Variants in AGAP1 observed in about 807,000 individuals in gnomAD.
The protein encoded by AGAP1 is arf-GAP with GTPase, ANK repeat and PH domain-containing protein 1.
AGAP1 carries 29 observed loss-of-function variants against 105.3 expected under a neutral mutation model. The observed-to-expected ratio is 0.28, with a 90% CI of 0.21 to 0.38. The LOEUF (loss-of-function observed/expected upper bound fraction) is 0.38. Among genes scored for constraint, AGAP1 ranks in the 10% least tolerant of loss-of-function variants. The probability of loss-of-function intolerance (pLI) is 1.00; values close to 1 mark genes in which losing one functional copy is unlikely to be tolerated. For synonymous variants in AGAP1, 509 were observed against 485.9 expected (o/e 1.05, Z -0.63); for missense variants, 998 against 1,165.1 (o/e 0.86, Z 2.09).
chr2:235,938,893 G>A (rs990414671), intron 12 of AGAP1, among the ~76,000 whole-genome samples: 2 of 152,200 alleles, frequency 1.3e-5, no homozygotes, highest in African/African-American at 2.4e-5. Context: ...TCTTGGGGGC[G>A]ATTTTTAAAA....
At chr2:235,881,927 G>A (rs552879959) in intron 9 of AGAP1, among the ~76,000 whole-genome samples, 1 of 152,268 alleles carries the variant, frequency 6.6e-6, no homozygotes, top group African/African-American at 2.4e-5. Context: ...ACTGAAATTT[G>A]CCAGTGGAAT....
At chr2:235,632,700 C>T (rs528837174) in intron 1 of AGAP1, among the ~76,000 whole-genome samples, 3 of 152,320 alleles carry the variant, frequency 2.0e-5, no homozygotes, top group Admixed American at 6.5e-5. Context: ...TCTGTCACCT[C>T]TCCTGCTATT....
intron 13 of AGAP1, among the ~76,000 whole-genome samples, chr2:236,017,703 A>G (rs7565059): frequency 0.66 from 99,793 of 152,150 alleles, 34,148 homozygotes; most frequent in African/African-American, 0.85. Flanking sequence ...GGAGAGACAG[A>G]CAGAGCCAAG....
chr2:235,783,992 G>A (rs779893316), intron 6 of AGAP1, among the ~76,000 whole-genome samples: 17 of 147,956 alleles, frequency 1.1e-4, no homozygotes, highest in Admixed American at 7.5e-4. Context: ...ATGGACGGAC[G>A]GATGGATGGG....
intron 1 of AGAP1, among the ~76,000 whole-genome samples, chr2:235,647,069 G>A (rs1559312113): frequency 6.6e-6 from 1 of 150,588 alleles, no homozygotes; most frequent in Non-Finnish European, 1.5e-5. Flanking sequence ...CTGGGAGGTG[G>A]AGCTTGCAGT....
In AGAP1 at chr2:235,681,663, A is replaced by G. The variant is rs555281753; in HGVS notation, c.164-27516A>G. 4.6e-5 allele frequency among the ~76,000 whole-genome samples: 7 copies of G among 152,334 alleles called. No individual in the cohort carries two copies. The South Asian group carries it at 1.5e-3, about 32-fold the overall frequency. The stretch of plus-strand genomic sequence containing the variant: ...AAAATATAATACAGTTTTAATTTTC[A>G]TCTGTACTGTTAGCATTAACCAGCA... On this transcript the variant is annotated intron_variant, in intron 1 of 17. Transcript: ENST00000304032.
chr2:235,606,579 A>G (rs561487496), intron 1 of AGAP1, among the ~76,000 whole-genome samples: 238 of 152,344 alleles, frequency 1.6e-3, no homozygotes, highest in Middle Eastern at 0.01. Context: ...ATCCTGAGTC[A>G]TAGAAGCATT....
At chr2:235,704,631 C>T (rs935810820) in intron 1 of AGAP1, among the ~76,000 whole-genome samples, 4 of 152,142 alleles carry the variant, frequency 2.6e-5, no homozygotes, top group African/African-American at 9.7e-5. Flanking sequence ...GGCAACAGAG[C>T]GAGACTCCGT....
Position 236,124,304 on chromosome 2 carries a change from C to A in AGAP1, c.*182C>A. On this transcript the variant is annotated 3_prime_UTR_variant, in exon 18 of 18. Coordinates refer to ENST00000304032, the MANE Select transcript of AGAP1 (RefSeq NM_001037131.3). The surrounding 1 kb of genome is among the most constrained non-coding windows in gnomAD (Gnocchi z 5.1). ...CAAAACCTGGACATCCCTCAAGGGG[C>A]GAAGAGGCGGCCGGGAGACTGCAGA... is the stretch of plus-strand genomic sequence containing the variant. 2.9e-6 allele frequency: 2 copies of A among 697,984 alleles called. No individual in the cohort carries two copies. The highest frequency in any genetic ancestry group is 4.7e-6 in the Non-Finnish European group (2 of 422,532). 43.2% of individuals were successfully genotyped at this position (697,984 alleles called of 1,614,324 possible).
chr2:235,703,784 A>T (rs563548483), intron 1 of AGAP1, among the ~76,000 whole-genome samples: 1 of 151,926 alleles, frequency 6.6e-6, no homozygotes, highest in African/African-American at 2.4e-5. Context: ...TTTAGTAGAG[A>T]TGGAGTTTTG....
chr2:236,114,097 G>A lies in AGAP1; in HGVS notation c.2115-6095G>A, dbSNP rs1279733632. Among the ~76,000 whole-genome samples the A allele has an allele frequency of 2.6e-5, 4 of 152,012 alleles. No homozygotes were observed. The highest frequency in any genetic ancestry group is 5.9e-5 in the Non-Finnish European group (4 of 68,012). Reference sequence around the variant, plus strand: ...GGCCCCCTCCTTTCTGCTGACGGCCGGCCGCGCCAATAATTCATTTTTTAG... The same window carrying A: ...GGCCCCCTCCTTTCTGCTGACGGCCAGCCGCGCCAATAATTCATTTTTTAG... On this transcript the variant is annotated intron_variant, in intron 16 of 17. Coordinates refer to ENST00000304032, the MANE Select transcript of AGAP1 (RefSeq NM_001037131.3). The surrounding 1 kb of genome is among the most constrained non-coding windows in gnomAD (Gnocchi z 5.0).
At position 236,092,698 on chromosome 2, in the gene AGAP1, T is replaced by C. The variant is rs1035887198; in HGVS notation, c.2115-27494T>C. Among the ~76,000 whole-genome samples, 2 of 152,230 alleles carry C rather than the reference T, an allele frequency of 1.3e-5. No homozygotes were observed. Among genetic ancestry groups the C allele is most frequent in the African/African-American group, 4.8e-5 (2 of 41,462 alleles). On this transcript the variant is annotated intron_variant, in intron 16 of 17. Coordinates refer to ENST00000304032, the MANE Select transcript of AGAP1 (RefSeq NM_001037131.3). The surrounding 1 kb of genome is among the most constrained non-coding windows in gnomAD (Gnocchi z 4.7). ...TGAGCCACCGCGCCCGGCCGTATTA[T>C]TTCTTTAAACTCCATGTGAATACAC...
intron 9 of AGAP1, among the ~76,000 whole-genome samples, chr2:235,827,566 C>G (rs1191696338): frequency 6.6e-6 from 1 of 152,066 alleles, no homozygotes; most frequent in Admixed American, 6.6e-5. Context: ...TTAAAAGTTC[C>G]TTAGTGTGCC....
intron 1 of AGAP1, among the ~76,000 whole-genome samples, chr2:235,527,725 T>C (rs138126999): frequency 5.5e-4 from 83 of 152,266 alleles, no homozygotes; most frequent in African/African-American, 1.9e-3. Flanking sequence ...GTTGTAGGAT[T>C]ATTCACGGTA....
chr2:235,897,585 G>A (rs150718269), intron 10 of AGAP1, among the ~76,000 whole-genome samples: 264 of 152,214 alleles, frequency 1.7e-3, no homozygotes, highest in African/African-American at 5.5e-3. Context: ...GTCTCTGGCC[G>A]TCCTTTGTAC....
chr2:235,912,226 C>T (rs568243188), intron 11 of AGAP1, among the ~76,000 whole-genome samples: 87 of 152,254 alleles, frequency 5.7e-4, no homozygotes, highest in African/African-American at 2.1e-3. Context: ...GAAATTAAAG[C>T]ATTTGGGGAT....
chr2:235,704,414 G>A (rs1244809016), intron 1 of AGAP1, among the ~76,000 whole-genome samples: 3 of 152,166 alleles, frequency 2.0e-5, no homozygotes, highest in African/African-American at 4.8e-5. Context: ...TTGGGAGGCC[G>A]AGGCCAGCGG....
Position 235,989,134 on chromosome 2 carries a change from T to C in AGAP1, c.1645+20511T>C, listed in dbSNP as rs569121938. On this transcript the variant is annotated intron_variant, in intron 13 of 17. Coordinates refer to ENST00000304032, the MANE Select transcript of AGAP1 (RefSeq NM_001037131.3). The surrounding 1 kb of genome is among the most constrained non-coding windows in gnomAD (Gnocchi z 4.4). Reference sequence around the variant, plus strand: ...AAGATGATGATGATGGTTGTTGTTATTTAAAACTGCAAGACGTAGGCAATA... The same window carrying C: ...AAGATGATGATGATGGTTGTTGTTACTTAAAACTGCAAGACGTAGGCAATA... 6.6e-6 allele frequency among the ~76,000 whole-genome samples: 1 copy of C among 152,350 alleles called. No individual in the cohort carries two copies. Among genetic ancestry groups the C allele is most frequent in the Non-Finnish European group, 1.5e-5 (1 of 68,028 alleles).
Position 236,120,295 on chromosome 2 carries a change from A to G in AGAP1, c.2218A>G (p.Thr740Ala). The G allele has an allele frequency of 6.2e-7, 1 of 1,612,652 alleles. No homozygotes were observed. The highest frequency in any genetic ancestry group is 8.5e-7 in the Non-Finnish European group (1 of 1,179,674). ...LSLGQHLLRA[T>A]ADEDLRTAIL... Reference sequence around the variant, plus strand: ...CCTGGGCCAGCACCTGCTGCGGGCCACCGCCGACGAGGACCTGCGGACGGC... The same window carrying G: ...CCTGGGCCAGCACCTGCTGCGGGCCGCCGCCGACGAGGACCTGCGGACGGC... The change falls in exon 17 of 18, where the codon ACC (threonine) becomes GCC (alanine). Residue 740 changes from threonine to alanine, a missense_variant. Physicochemically the swap from Thr to Ala is moderately conservative, Grantham distance 58. This residue lies in a region of AGAP1 where 235 missense variants were observed against 270.7 expected (regional missense o/e 0.87). Coordinates refer to ENST00000304032, the MANE Select transcript of AGAP1 (RefSeq NM_001037131.3). This position sits in a 1 kb window ranked among gnomAD's most constrained non-coding sequence, Gnocchi z 6.0.
Sources: allele counts gnomAD v4.1 joint callset (sites outside exome capture counted in the v4.1 genomes callset), GRCh38; gene constraint gnomAD v4.1.1; regional missense constraint gnomAD v4.1.1; non-coding constraint Gnocchi (gnomAD v3.1); transcripts MANE v1.5; gene names NCBI Gene and HGNC (gene_info 2026-07-23, HGNC 2026-07-21).